The following SLC23A2 variants were observed in gnomAD, a reference collection of about 807,000 sequenced individuals.
SLC23A2 encodes the protein Na(+)/L-ascorbic acid transporter 2.
SLC23A2 carries 36 observed loss-of-function variants against 73.3 expected under a neutral mutation model. That is an observed-to-expected ratio of 0.49 (90% CI 0.38 to 0.65). The LOEUF is 0.65. Ranked by LOEUF, SLC23A2 falls within the 30% of genes least tolerant of loss-of-function variation. The pLI is 0.00. For missense variants in SLC23A2, 507 were observed against 841.6 expected (o/e 0.60, Z 4.92); for synonymous variants, 343 against 327.3 (o/e 1.05, Z -0.52).
At chr20:4,954,426 G>A (rs1347703197) in intron 2 of SLC23A2, among the ~76,000 whole-genome samples, 1 of 152,176 alleles carries the variant, frequency 6.6e-6, no homozygotes, top group Non-Finnish European at 1.5e-5. Context: ...GCTGGGTGCA[G>A]TGGCTCATGC....
Position 4,853,876 on chromosome 20 carries a change from C to T in SLC23A2, c.*3096G>A, listed in dbSNP as rs1488353619. 1 of 152,236 alleles carries T rather than the reference C, an allele frequency of 6.6e-6. No individual in the cohort carries two copies. The highest frequency in any genetic ancestry group is 1.5e-5 in the Non-Finnish European group (1 of 68,048). 9.4% of individuals were successfully genotyped at this position (152,236 alleles called of 1,614,324 possible). A position where few individuals can be genotyped will look rare whatever the true frequency, so the allele number is the denominator to read the frequency against. ...GAAAGTAAATGTATCTGTGAATCTACATTTAACTTCCTAATGAGAATGAAA... is the reference window on the plus strand; with the variant it reads ...GAAAGTAAATGTATCTGTGAATCTATATTTAACTTCCTAATGAGAATGAAA... On this transcript the variant is annotated 3_prime_UTR_variant, in exon 17 of 17. Coordinates refer to ENST00000338244, the MANE Select transcript of SLC23A2 (RefSeq NM_005116.6).
chr20:4,952,868 C>G (rs770170275), intron 2 of SLC23A2, among the ~76,000 whole-genome samples: 1 of 151,814 alleles, frequency 6.6e-6, no homozygotes, highest in Non-Finnish European at 1.5e-5. Context: ...ACTAAAAATA[C>G]AAAAATTAGC....
chr20:4,859,815 T>C (rs1400926926), intron 15 of SLC23A2, among the ~76,000 whole-genome samples: 1 of 152,260 alleles, frequency 6.6e-6, no homozygotes, highest in Admixed American at 6.5e-5. Context: ...TTCAGTATCC[T>C]GGGTTATCAA....
At chr20:4,958,903 C>A (rs2087335011) in intron 2 of SLC23A2, among the ~76,000 whole-genome samples, 1 of 151,934 alleles carries the variant, frequency 6.6e-6, no homozygotes, top group South Asian at 2.1e-4. Flanking sequence ...AAGTTTCATT[C>A]TTTGGATTAA....
chr20:4,935,068 TC>T (rs2086939796), intron 2 of SLC23A2, among the ~76,000 whole-genome samples: 1 of 149,930 alleles, frequency 6.7e-6, no homozygotes, highest in Non-Finnish European at 1.5e-5. Flanking sequence ...GCACCTGTAG[TC>T]CCAGCTATTT....
intron 2 of SLC23A2, among the ~76,000 whole-genome samples, chr20:4,951,642 A>C (rs372091554): frequency 6.6e-6 from 1 of 152,280 alleles, no homozygotes; most frequent in African/African-American, 2.4e-5. Context: ...GGGAGTGACT[A>C]TTCATGGGTT....
chr20:4,871,701 G>T (rs570781287), intron 11 of SLC23A2, among the ~76,000 whole-genome samples: 1 of 152,280 alleles, frequency 6.6e-6, no homozygotes, highest in East Asian at 1.9e-4. Context: ...TTGGTCAGGG[G>T]TGCAAGGTAC....
At chr20:4,881,117 T>C (rs1930866317) in intron 9 of SLC23A2, among the ~76,000 whole-genome samples, 1 of 152,162 alleles carries the variant, frequency 6.6e-6, no homozygotes, top group Non-Finnish European at 1.5e-5. Flanking sequence ...CTGAAGCAAC[T>C]AGGGGCACGG....
chr20:4,960,093 C>A (rs1438890253), intron 2 of SLC23A2, among the ~76,000 whole-genome samples: 1 of 152,176 alleles, frequency 6.6e-6, no homozygotes, highest in Non-Finnish European at 1.5e-5. Flanking sequence ...CATACCTGGC[C>A]TCTAGCGGCT....
intron 2 of SLC23A2, among the ~76,000 whole-genome samples, chr20:4,969,865 C>A (rs972761031): frequency 4.6e-5 from 7 of 152,146 alleles, no homozygotes; most frequent in Non-Finnish European, 4.4e-5. Flanking sequence ...CCCATCACTA[C>A]TACTGCTAAG....
chr20:4,863,045 C>T lies in SLC23A2; in HGVS notation c.1357-138G>A. ...CTCCTCCTCAGCCCACTCTTCTCAC[C>T]TCCACTGTGGGGACCCTGAGGGCCG... On this transcript the variant is annotated intron_variant, in intron 13 of 16. Coordinates refer to ENST00000338244, the MANE Select transcript of SLC23A2 (RefSeq NM_005116.6). This position sits in a 1 kb window ranked among gnomAD's most constrained non-coding sequence, Gnocchi z 4.8. 3.7e-6 allele frequency: 3 copies of T among 809,090 alleles called. No homozygotes were observed. Among genetic ancestry groups the T allele is most frequent in the South Asian group, 3.5e-5 (2 of 56,620 alleles). The allele number at this position is 809,090 out of a possible 1,614,324, so 50.1% of individuals were successfully genotyped here. A position where few individuals can be genotyped will look rare whatever the true frequency, so the allele number is the denominator to read the frequency against.
Position 4,984,011 on chromosome 20 carries a change from G to GA in SLC23A2, c.-281-13093dup, listed in dbSNP as rs897526985. ...GTGAAAAAGAATCTTACAGAAAGAG[G>GA]AAAAAATATTTGCAAATTACATACC... On this transcript the variant is annotated intron_variant, in intron 1 of 16. Transcript: ENST00000338244. Among the ~76,000 whole-genome samples the GA allele has an allele frequency of 7.3e-5, 11 of 151,704 alleles. 1 individual carries two copies. The highest frequency in any genetic ancestry group is 1.6e-4 in the Non-Finnish European group (11 of 67,914).
At chr20:4,864,058 G>T (rs1930093373) in intron 13 of SLC23A2, among the ~76,000 whole-genome samples, 1 of 152,270 alleles carries the variant, frequency 6.6e-6, no homozygotes, top group African/African-American at 2.4e-5. Flanking sequence ...CTGGCATCAG[G>T]CTCAGGAATC....
chr20:4,867,451 G>C (rs550113844), intron 13 of SLC23A2, among the ~76,000 whole-genome samples: 2 of 152,252 alleles, frequency 1.3e-5, no homozygotes, highest in African/African-American at 4.8e-5. Context: ...TTGATTGCTA[G>C]AATGTAAACT....
At chr20:4,889,032 T>TA (rs1931212679) in intron 6 of SLC23A2, among the ~76,000 whole-genome samples, 1 of 152,222 alleles carries the variant, frequency 6.6e-6, no homozygotes, top group Non-Finnish European at 1.5e-5. Flanking sequence ...GATTCTTGGA[T>TA]ATCTGCTTGA....
intron 6 of SLC23A2, among the ~76,000 whole-genome samples, chr20:4,887,111 A>G (rs1487953108): frequency 6.6e-6 from 1 of 152,220 alleles, no homozygotes; most frequent in African/African-American, 2.4e-5. Flanking sequence ...GCTTTAAGGC[A>G]CAGACGCAGG....
intron 3 of SLC23A2, among the ~76,000 whole-genome samples, chr20:4,930,133 C>G (rs759758237): frequency 2.0e-5 from 3 of 152,178 alleles, no homozygotes; most frequent in Non-Finnish European, 4.4e-5. Context: ...AATTCTGGAC[C>G]ATAATGACAA....
At chr20:4,896,380 G>A (rs988734747) in intron 6 of SLC23A2, among the ~76,000 whole-genome samples, 1 of 152,174 alleles carries the variant, frequency 6.6e-6, no homozygotes, top group African/African-American at 2.4e-5. Context: ...GAGGAAGCAA[G>A]GGGTGCAGGC....
Position 4,857,333 on chromosome 20 carries a change from CACAT to C in SLC23A2, c.1721-133_1721-130del, listed in dbSNP as rs879340946. On this transcript the variant is annotated intron_variant, in intron 16 of 16. Coordinates refer to ENST00000338244, the MANE Select transcript of SLC23A2 (RefSeq NM_005116.6). The surrounding 1 kb of genome is among the most constrained non-coding windows in gnomAD (Gnocchi z 4.0). ...ACACACACACACACACACACACACA[CACAT>C]GGTCCCACAGATCAAACCTGCCTAG... 2,014 of 517,992 alleles carry C rather than the reference CACAT, an allele frequency of 3.9e-3. 10 individuals carry two copies. Among genetic ancestry groups the C allele is most frequent in the African/African-American group, 0.013 (456 of 34,028 alleles). 32.1% of individuals were successfully genotyped at this position (517,992 alleles called of 1,614,324 possible).
Sources: gnomAD v4.1 joint callset for allele counts (sites outside exome capture counted in the v4.1 genomes callset) on GRCh38, gnomAD v4.1.1 for gene constraint, Gnocchi (gnomAD v3.1) non-coding constraint, MANE v1.5 for transcripts, NCBI Gene and HGNC (gene_info 2026-07-23, HGNC 2026-07-21) for gene names.